HDX: variants seen among roughly 807,000 people sequenced by gnomAD.
HDX encodes highly divergent homeobox.
Under a neutral mutation model 45.2 loss-of-function variants are expected in HDX, and 19 were observed. The ratio of observed to expected loss-of-function variants is 0.42; its 90% CI spans 0.29 to 0.62. The LOEUF is 0.62. HDX is among the 20% of genes least tolerant of loss of function. HDX has a pLI of 0.20. For missense variants in HDX, 532 were observed against 493.9 expected, an observed-to-expected ratio of 1.08 and a Z score of -0.73; for synonymous variants, 188 against 172.8, an observed-to-expected ratio of 1.09 and a Z score of -0.69.
At chrX:84,396,527 G>C (rs2038568507) in intron 5 of HDX, among the ~76,000 whole-genome samples, 1 of 112,086 alleles carries the variant, frequency 8.9e-6, no homozygotes, top group African/African-American at 3.2e-5. Context: ...TACATTGTTT[G>C]CTTGGATTTC....
intron 5 of HDX, among the ~76,000 whole-genome samples, chrX:84,428,599 C>T (rs1325797942): frequency 9.0e-6 from 1 of 111,071 alleles, no homozygotes; most frequent in Non-Finnish European, 1.9e-5. Context: ...CATGATGCAA[C>T]ATGTGTCAGT....
intron 5 of HDX, among the ~76,000 whole-genome samples, chrX:84,368,268 T>A (rs1186141762): frequency 8.9e-6 from 1 of 111,970 alleles, no homozygotes; most frequent in Non-Finnish European, 1.9e-5. Context: ...TTTTAAAATT[T>A]CTATACTCCT....
intron 9 of HDX, among the ~76,000 whole-genome samples, chrX:84,328,580 C>T (rs190034677): frequency 9.0e-6 from 1 of 111,519 alleles, no homozygotes; most frequent in East Asian, 2.8e-4. Flanking sequence ...CACTCTTCAT[C>T]AAATAAGGTA....
At chrX:84,373,323 T>C (rs759976099) in intron 5 of HDX, among the ~76,000 whole-genome samples, 1 of 111,015 alleles carries the variant, frequency 9.0e-6, no homozygotes, top group South Asian at 3.8e-4. Flanking sequence ...GGCAGACATT[T>C]GGTTCAGAGT....
intron 8 of HDX, among the ~76,000 whole-genome samples, chrX:84,336,220 C>G (rs1485113080): frequency 1.8e-5 from 2 of 111,101 alleles, no homozygotes; most frequent in Non-Finnish European, 3.8e-5. Context: ...TTTCACAAAA[C>G]CCAGTTTACT....
In HDX at chrX:84,321,328, C is replaced by T. The variant is rs1372703072; in HGVS notation, c.*561G>A. The T allele has an allele frequency of 9.0e-6, 1 of 110,742 alleles. No homozygotes were observed. Among genetic ancestry groups the T allele is most frequent in the Non-Finnish European group, 1.9e-5 (1 of 52,489 alleles). 9.1% of individuals were successfully genotyped at this position (110,742 alleles called of 1,213,427 possible). On this transcript the variant is annotated 3_prime_UTR_variant, in exon 11 of 11. Coordinates refer to ENST00000373177, the MANE Select transcript of HDX (RefSeq NM_001177479.2). ...AACACCAGCAATTTACAATTACATACCTGTAATCATTTAATTTTCAGTCAT... is the reference window on the plus strand; with the variant it reads ...AACACCAGCAATTTACAATTACATATCTGTAATCATTTAATTTTCAGTCAT...
intron 3 of HDX, among the ~76,000 whole-genome samples, chrX:84,474,148 C>A (rs766260727): frequency 3.6e-5 from 4 of 111,561 alleles, no homozygotes; most frequent in Admixed American, 2.8e-4. Context: ...AAGAATTAGC[C>A]GGGCGTGGTG....
At chrX:84,467,350 G>A (rs1267067105) in intron 4 of HDX, among the ~76,000 whole-genome samples, 1 of 111,399 alleles carries the variant, frequency 9.0e-6, no homozygotes, top group East Asian at 2.8e-4. Flanking sequence ...GTGCTAGGCT[G>A]GGCCAGTGGC....
chrX:84,360,038 A>G (rs2037581776), intron 6 of HDX, among the ~76,000 whole-genome samples: 1 of 112,067 alleles, frequency 8.9e-6, no homozygotes, highest in South Asian at 3.7e-4. Context: ...CCATCTGACT[A>G]AGGTCTAATA....
chrX:84,427,058 C>G (rs1430899494), intron 5 of HDX, among the ~76,000 whole-genome samples: 1 of 110,646 alleles, frequency 9.0e-6, no homozygotes, highest in East Asian at 2.8e-4. Context: ...AAGATAGTAG[C>G]TTTCGTGTTG....
At chrX:84,428,419 C>A (rs1223734612) in intron 5 of HDX, among the ~76,000 whole-genome samples, 2 of 110,959 alleles carry the variant, frequency 1.8e-5, no homozygotes, top group Non-Finnish European at 3.8e-5. Context: ...TTTCCATTTA[C>A]TTCACATTCC....
chrX:84,491,770 C>T (rs758361257), intron 1 of HDX, among the ~76,000 whole-genome samples: 48 of 111,413 alleles, frequency 4.3e-4, no homozygotes, highest in Non-Finnish European at 7.9e-4. Flanking sequence ...TGCTCCATTA[C>T]TCAGGCAATA....
rs2039364485 is a variant in HDX at position 84,425,513 on chromosome X, C to T, written c.1305+15019G>A. On this transcript the variant is annotated intron_variant, in intron 5 of 10. Coordinates refer to ENST00000373177, the MANE Select transcript of HDX (RefSeq NM_001177479.2). ...TCAGTATATCAAAGAGATAGCTGCA[C>T]TCCTATGTTGCAGCGCTGTTTGCAA... Among the ~76,000 whole-genome samples the T allele has an allele frequency of 1.8e-5, 2 of 112,032 alleles. 1 individual carries two copies. Among genetic ancestry groups the T allele is most frequent in the South Asian group, 7.4e-4 (2 of 2,699 alleles).
chrX:84,407,694 G>A (rs1258425398), intron 5 of HDX, among the ~76,000 whole-genome samples: 6 of 110,227 alleles, frequency 5.4e-5, no homozygotes, highest in Non-Finnish European at 1.1e-4. Context: ...ATGCAAACTC[G>A]CCAGCATCTG....
intron 7 of HDX, 98 bp downstream of exon 7, chrX:84,344,152 T>G (rs775597502): frequency 1.6e-6 from 1 of 627,976 alleles, no homozygotes; most frequent in East Asian, 3.4e-5. Flanking sequence ...CCAAATGTTT[T>G]GAAGACTCTA....
chrX:84,459,245 A>G (rs756037988), intron 4 of HDX, among the ~76,000 whole-genome samples: 4 of 111,095 alleles, frequency 3.6e-5, no homozygotes, highest in Non-Finnish European at 5.7e-5. Context: ...GATCAAGACC[A>G]TCCTGGCTAA....
chrX:84,326,420 T>A, intron 9 of HDX, 120 bp from the exon 10 acceptor site: 1 of 509,118 alleles, frequency 2.0e-6, no homozygotes, highest in Non-Finnish European at 3.2e-6. Context: ...GAAAACAAAA[T>A]GTTAACATAA....
At chrX:84,349,953 C>T (rs1463298631) in intron 6 of HDX, among the ~76,000 whole-genome samples, 1 of 109,342 alleles carries the variant, frequency 9.1e-6, no homozygotes, top group African/African-American at 3.3e-5. Context: ...GAAAAATCAC[C>T]TGTTGGGTAC....
intron 5 of HDX, among the ~76,000 whole-genome samples, chrX:84,432,620 C>T (rs1257627317): frequency 9.0e-6 from 1 of 110,915 alleles, no homozygotes; most frequent in East Asian, 2.8e-4. Flanking sequence ...ATTTGGCTCT[C>T]AGCTTGGATG....
Sources: gnomAD v4.1 joint callset for allele counts (sites outside exome capture counted in the v4.1 genomes callset) on GRCh38, gnomAD v4.1.1 for gene constraint, MANE v1.5 for transcripts, NCBI Gene and HGNC (gene_info 2026-07-23, HGNC 2026-07-21) for gene names.